The following DLC1 variants were observed in gnomAD, a reference collection of about 807,000 sequenced individuals.
DLC1 encodes the protein DLC1 Rho GTPase activating protein, also known as rho GTPase-activating protein 7.
In DLC1, 54 loss-of-function variants were observed where a neutral mutation model predicts 140.3. The observed-to-expected ratio is 0.38, with a 90% CI of 0.31 to 0.48. The LOEUF (loss-of-function observed/expected upper bound fraction) is 0.48, where lower values mean the gene tolerates loss of function less well. Among genes scored for constraint, DLC1 ranks in the 20% least tolerant of loss-of-function variants. The pLI, the probability that DLC1 is intolerant of heterozygous loss-of-function variation, is 0.96. For synonymous variants in DLC1, 986 were observed against 728.1 expected, an observed-to-expected ratio of 1.35 and a Z score of -5.70; for missense variants, 2,536 against 1,907.0, an observed-to-expected ratio of 1.33 and a Z score of -6.14.
intron 2 of DLC1, among the ~76,000 whole-genome samples, chr8:13,460,900 C>T (rs1799625104): frequency 2.0e-5 from 3 of 152,198 alleles, no homozygotes; most frequent in African/African-American, 7.2e-5. Context: ...AGGGGAAAAA[C>T]AGGGTCCTGT....
intron 5 of DLC1, among the ~76,000 whole-genome samples, chr8:13,203,617 C>T (rs1159724259): frequency 6.6e-6 from 1 of 152,220 alleles, no homozygotes; most frequent in Admixed American, 6.5e-5. Flanking sequence ...TCCATCCTCT[C>T]TTCTTGTCAG....
intron 1 of DLC1, among the ~76,000 whole-genome samples, chr8:13,532,902 G>T (rs991096226): frequency 4.6e-5 from 7 of 152,170 alleles, no homozygotes; most frequent in Admixed American, 4.6e-4. Context: ...GTATTCCAAT[G>T]ATATAAGTTA....
rs548507612 is a variant in DLC1 at position 13,439,043 on chromosome 8, G to T, written c.1024-37424C>A. Among the ~76,000 whole-genome samples, 6 of 152,282 alleles carry T rather than the reference G, an allele frequency of 3.9e-5. No individual in the cohort carries two copies. The South Asian group carries it at 1.0e-3, about 26-fold the overall frequency. Reference sequence around the variant, plus strand: ...AAATCTTTATTCATAAAAACAGGCAGAGGCCGAGCACAGTGGCTCATGCCT... The same window carrying T: ...AAATCTTTATTCATAAAAACAGGCATAGGCCGAGCACAGTGGCTCATGCCT... On this transcript the variant is annotated intron_variant, in intron 2 of 17. Coordinates refer to ENST00000276297, the MANE Select transcript of DLC1 (RefSeq NM_182643.3).
chr8:13,372,559 A>T (rs932944577), intron 4 of DLC1, among the ~76,000 whole-genome samples: 44 of 152,184 alleles, frequency 2.9e-4, no homozygotes, highest in African/African-American at 1.1e-3. Context: ...CACTGATGAA[A>T]CACTGGGGCT....
intron 5 of DLC1, among the ~76,000 whole-genome samples, chr8:13,215,228 CAA>C (rs896348454): frequency 6.6e-6 from 1 of 151,780 alleles, no homozygotes; most frequent in African/African-American, 2.4e-5. Flanking sequence ...ATAATTTTAA[CAA>C]AAAAAATTAA....
intron 5 of DLC1, among the ~76,000 whole-genome samples, chr8:13,254,636 C>T (rs997173214): frequency 6.6e-6 from 1 of 151,154 alleles, no homozygotes; most frequent in African/African-American, 2.4e-5. Flanking sequence ...ACCCCCACCC[C>T]CAGTTGTCAG....
intron 1 of DLC1, among the ~76,000 whole-genome samples, chr8:13,541,874 C>T (rs940693496): frequency 6.6e-6 from 1 of 152,100 alleles, no homozygotes; most frequent in Non-Finnish European, 1.5e-5. Flanking sequence ...TATGTATATT[C>T]TTTGGTGTAG....
Position 13,099,665 on chromosome 8 carries a change from G to A in DLC1, c.2672C>T (p.Ser891Leu). ...GTTCTCCAGATCCGCCAGGTCCCCT[G>A]AACTGGAGTAGAGGATGGAGCCCGG... is the stretch of plus-strand genomic sequence containing the variant. The part of the protein sequence containing the change: ...NVPGSILYSS[S>L]GDLADLENED... Residue 891 changes from serine to leucine, a missense_variant, in exon 9 of 18, where the codon TCA becomes TTA. Transcript: ENST00000276297. 1.9e-6 allele frequency: 3 copies of A among 1,614,188 alleles called. No homozygotes were observed. In the South Asian group the frequency reaches 3.3e-5, roughly 18 times the overall value.
chr8:13,419,395 A>G (rs1007798398), intron 2 of DLC1, among the ~76,000 whole-genome samples: 6 of 152,122 alleles, frequency 3.9e-5, no homozygotes, highest in Non-Finnish European at 5.9e-5. Context: ...TCCCATCAGT[A>G]CCTAATTTAT....
Position 13,439,661 on chromosome 8 carries a change from T to C in DLC1, c.1024-38042A>G, listed in dbSNP as rs115148451. 6.2e-3 allele frequency among the ~76,000 whole-genome samples: 938 copies of C among 152,238 alleles called. 11 individuals are homozygous for C. The highest frequency in any genetic ancestry group is 0.021 in the African/African-American group (877 of 41,534). On this transcript the variant is annotated intron_variant, in intron 2 of 17. Transcript: ENST00000276297. ...AATCTAGACCAGTTATTATTCTCTA[T>C]TACTTTGGAGATTTAGAGCAAATCT...
intron 1 of DLC1, among the ~76,000 whole-genome samples, chr8:13,582,802 T>C (rs1260125922): frequency 1.4e-5 from 2 of 148,082 alleles, no homozygotes; most frequent in Non-Finnish European, 3.0e-5. Flanking sequence ...AATGCTAATA[T>C]CTCAATAAAG....
chr8:13,565,502 A>G (rs1339706464), intron 1 of DLC1, among the ~76,000 whole-genome samples: 3 of 152,194 alleles, frequency 2.0e-5, no homozygotes, highest in Non-Finnish European at 2.9e-5. Flanking sequence ...TTTAAAGACT[A>G]CCATTATATG....
chr8:13,475,289 ATATCT>A (rs1260064078), intron 2 of DLC1, among the ~76,000 whole-genome samples: 1 of 152,248 alleles, frequency 6.6e-6, no homozygotes, highest in African/African-American at 2.4e-5. Context: ...TATAGCACAG[ATATCT>A]TAATTATTAA....
chr8:13,226,902 T>G (rs555388804), intron 5 of DLC1, among the ~76,000 whole-genome samples: 1 of 152,254 alleles, frequency 6.6e-6, no homozygotes, highest in African/African-American at 2.4e-5. Context: ...CTCAAGTGGT[T>G]CTAAACATGG....
intron 7 of DLC1, among the ~76,000 whole-genome samples, chr8:13,105,263 C>G (rs1255041185): frequency 6.6e-6 from 1 of 152,050 alleles, no homozygotes; most frequent in African/African-American, 2.4e-5. Flanking sequence ...AGAGTTATAC[C>G]CTAGGGTTTC....
intron 2 of DLC1, among the ~76,000 whole-genome samples, chr8:13,477,900 G>A (rs1208486509): frequency 6.6e-6 from 1 of 151,970 alleles, no homozygotes; most frequent in Non-Finnish European, 1.5e-5. Context: ...ACACAAAAAG[G>A]AATGATTCAG....
intron 4 of DLC1, among the ~76,000 whole-genome samples, chr8:13,337,623 T>G (rs1010634989): frequency 6.6e-6 from 1 of 152,144 alleles, no homozygotes; most frequent in Non-Finnish European, 1.5e-5. Context: ...TAAGACAAAA[T>G]TGTAGGAAAG....
intron 5 of DLC1, among the ~76,000 whole-genome samples, chr8:13,173,010 T>C (rs568579398): frequency 5.9e-5 from 9 of 152,252 alleles, no homozygotes; most frequent in Non-Finnish European, 1.0e-4. Flanking sequence ...GTAACGATTA[T>C]TGATACAGCA....
intron 5 of DLC1, among the ~76,000 whole-genome samples, chr8:13,159,293 C>G (rs943347477): frequency 6.6e-6 from 1 of 152,192 alleles, no homozygotes; most frequent in Non-Finnish European, 1.5e-5. Context: ...GAGAGTATCA[C>G]ACGGGATGCC....
Sources: gnomAD v4.1 joint callset for allele counts (sites outside exome capture counted in the v4.1 genomes callset) on GRCh38, gnomAD v4.1.1 for gene constraint, MANE v1.5 for transcripts, NCBI Gene and HGNC (gene_info 2026-07-23, HGNC 2026-07-21) for gene names.